Variants in DSN1 observed in about 807,000 individuals in gnomAD.
The protein encoded by DSN1 is DSN1 component of MIS12 kinetochore complex.
DSN1 carries 31 observed loss-of-function variants against 45.7 expected under a neutral mutation model. The ratio of observed to expected loss-of-function variants is 0.68; its 90% CI spans 0.51 to 0.92. The LOEUF (loss-of-function observed/expected upper bound fraction) is 0.92, where lower values mean the gene tolerates loss of function less well. Among genes scored for constraint, DSN1 ranks in the 40% least tolerant of loss-of-function variants. The pLI is 0.00. For synonymous variants in DSN1, 134 were observed against 142.3 expected, an observed-to-expected ratio of 0.94 and a Z score of 0.41; for missense variants, 394 against 414.2, an observed-to-expected ratio of 0.95 and a Z score of 0.42.
chr20:36,759,991 C>G (rs1986885164), intron 6 of DSN1, among the ~76,000 whole-genome samples: 1 of 152,102 alleles, frequency 6.6e-6, no homozygotes, highest in Non-Finnish European at 1.5e-5. Context: ...CGACCGTAAT[C>G]CCAGCAGTCT....
intron 6 of DSN1, among the ~76,000 whole-genome samples, chr20:36,759,923 A>G (rs1038984196): frequency 3.3e-5 from 5 of 151,906 alleles, no homozygotes; most frequent in African/African-American, 1.2e-4. Context: ...ATATTTCTCT[A>G]ATTTCTTTTT....
intron 1 of DSN1, chr20:36,773,443 G>C: frequency 1.0e-6 from 1 of 985,578 alleles, no homozygotes; most frequent in Non-Finnish European, 1.2e-6. Flanking sequence ...GTCTCTAATG[G>C]GGTCGGTAAG....
chr20:36,771,420 C>T lies in DSN1; in HGVS notation c.34+5G>A, dbSNP rs1987643954. ...AGAGGTACTGAATTTCACTACAATA[C>T]TTACCATCTATGATCTCTGATCTAG... On this transcript the variant is annotated splice_donor_5th_base_variant and intron_variant, in intron 2 of 10. Coordinates refer to ENST00000373750, the MANE Select transcript of DSN1 (RefSeq NM_001145315.2). The T allele has an allele frequency of 6.2e-7, 1 of 1,613,610 alleles. No homozygotes were observed. Among genetic ancestry groups the T allele is most frequent in the Admixed American group, 1.7e-5 (1 of 59,980 alleles).
intron 8 of DSN1, 147 bp downstream of exon 8, chr20:36,757,940 A>G: frequency 1.4e-6 from 1 of 696,514 alleles, no homozygotes; most frequent in Admixed American, 2.8e-5. Context: ...TTCTGGTCAG[A>G]GAGTGCTAAT....
At chr20:36,753,649 A>G (rs1165472007) in intron 10 of DSN1, among the ~76,000 whole-genome samples, 2 of 150,520 alleles carry the variant, frequency 1.3e-5, no homozygotes, top group Non-Finnish European at 3.0e-5. Flanking sequence ...AAAAAAAAAA[A>G]AAAAGAAAAA....
At chr20:36,773,639 C>G (rs1987767004) in intron 1 of DSN1, 23 bp downstream of exon 1, 1 of 985,480 alleles carries the variant, frequency 1.0e-6, no homozygotes, top group African/African-American at 1.7e-5. Flanking sequence ...TCCTGACGCC[C>G]GTCCAGTCCG....
chr20:36,767,651 C>A (rs1015300938), intron 4 of DSN1, among the ~76,000 whole-genome samples: 2 of 152,168 alleles, frequency 1.3e-5, no homozygotes, highest in African/African-American at 2.4e-5. Flanking sequence ...TGCCTGTAAT[C>A]CCAGCACTTT....
rs1600999808 is a variant in DSN1, at chr20:36,754,766, G to A, written c.958C>T (p.Leu320Phe). Residue 320 changes from leucine (L) to phenylalanine (F), a missense_variant, in exon 10 of 11, where the codon CTC (leucine) becomes TTC (phenylalanine). Transcript: ENST00000373750. The part of the protein sequence containing the change: ...TQCFQKVSVQ[L>F]GKRSMQQLDP... ...TCCCCTCAAGAGACAAGCTTACCGA[G>A]CTGTACTGACACCTTCTGGAAGCAC... 2 of 1,613,640 alleles carry A rather than the reference G, an allele frequency of 1.2e-6. No individual in the cohort carries two copies. Among genetic ancestry groups the A allele is most frequent in the African/African-American group, 1.3e-5 (1 of 74,996 alleles).
chr20:36,760,265 C>CAA (rs1371377346), intron 6 of DSN1, among the ~76,000 whole-genome samples: 2 of 151,062 alleles, frequency 1.3e-5, no homozygotes, highest in African/African-American at 4.9e-5. Context: ...AAAACAAAAA[C>CAA]AAAAAAACAA....
chr20:36,758,276 G>C (rs764889027), intron 7 of DSN1, 115 bp from the exon 8 acceptor site: 417 of 1,016,520 alleles, frequency 4.1e-4, no homozygotes, highest in Non-Finnish European at 5.8e-4. Context: ...GAGTTGACAG[G>C]TCATTACAGG....
At chr20:36,763,410 G>GAAAAAAAAAAAAAAAAAAAAAAA (rs71186016) in intron 5 of DSN1, among the ~76,000 whole-genome samples, 1 of 84,100 alleles carries the variant, frequency 1.2e-5, no homozygotes, top group South Asian at 5.2e-4. Context: ...CTCAAAAAAA[G>GAAAAAAAAAAAAAAAAAAAAAAA]AAAAAAAAAA....
At chr20:36,765,585 C>T (rs553275453) in intron 5 of DSN1, among the ~76,000 whole-genome samples, 211 of 151,538 alleles carry the variant, frequency 1.4e-3, no homozygotes, top group Non-Finnish European at 2.6e-3. Context: ...CGGAGGCAGG[C>T]GGATCATGAG....
chr20:36,758,184 T>C (rs1371503181), intron 7 of DSN1, 23 bp from the exon 8 acceptor site: 2 of 1,601,600 alleles, frequency 1.2e-6, no homozygotes, highest in Non-Finnish European at 8.5e-7. Flanking sequence ...GGAAAAAAAG[T>C]TCAGTTAATT....
rs184360633 is a variant in DSN1 at position 36,771,569 on chromosome 20, C to T, written c.-15-96G>A. The T allele has an allele frequency of 5.8e-4, 685 of 1,182,042 alleles. 1 individual carries two copies. The highest frequency in any genetic ancestry group is 7.6e-4 in the Non-Finnish European group (622 of 814,832). 73.2% of individuals were successfully genotyped at this position (1,182,042 alleles called of 1,614,324 possible). On this transcript the variant is annotated intron_variant, in intron 1 of 10. Transcript: ENST00000373750. The stretch of plus-strand genomic sequence containing the variant: ...CAGAATAAATAGGCCGTGTGCTTTC[C>T]AGCCTCTCTGAGCTACCCTTATCCA...
chr20:36,760,648 G>A (rs1179944830), intron 6 of DSN1, among the ~76,000 whole-genome samples: 3 of 152,170 alleles, frequency 2.0e-5, no homozygotes. Flanking sequence ...AGCACTTTGG[G>A]AGGCCAGGAA....
intron 1 of DSN1, among the ~76,000 whole-genome samples, chr20:36,772,409 T>C (rs999638935): frequency 1.3e-5 from 2 of 150,468 alleles, no homozygotes; most frequent in Admixed American, 1.3e-4. Flanking sequence ...CTGCCTCAGC[T>C]TCCTGAGTAG....
In DSN1 at chr20:36,766,736, G is replaced by C. The variant is rs1416948925; in HGVS notation, c.502+33C>G. On this transcript the variant is annotated intron_variant, in intron 5 of 10. Transcript: ENST00000373750. ...CTGTGAGCAAAGCTTTGACTGCCCA[G>C]GGTCAAAGCTCACTCATCTGTTAGC... 7 of 1,573,818 alleles carry C rather than the reference G, an allele frequency of 4.4e-6. No homozygotes were observed. The African/African-American group carries it at 6.8e-5, about 15-fold the overall frequency.
chr20:36,765,846 T>TAAAAAAAAAAAAAAAA (rs72491027), intron 5 of DSN1, among the ~76,000 whole-genome samples: 2 of 69,504 alleles, frequency 2.9e-5, no homozygotes, highest in Non-Finnish European at 3.3e-5. Flanking sequence ...AGCAAAAGAC[T>TAAAAAAAAAAAAAAAA]AAAAAAAAAA....
At chr20:36,768,386 CAG>C (rs1987465371) in intron 3 of DSN1, among the ~76,000 whole-genome samples, 1 of 152,050 alleles carries the variant, frequency 6.6e-6, no homozygotes, top group Non-Finnish European at 1.5e-5. Flanking sequence ...CTACTAAAAA[CAG>C]AAAAATTAGC....
Sources: allele counts gnomAD v4.1 joint callset (sites outside exome capture counted in the v4.1 genomes callset), GRCh38; gene constraint gnomAD v4.1.1; transcripts MANE v1.5; gene names NCBI Gene and HGNC (gene_info 2026-07-23, HGNC 2026-07-21).